The following EIF2AK4 variants were observed in gnomAD, a reference collection of about 807,000 sequenced individuals.
The protein encoded by EIF2AK4 is eukaryotic translation initiation factor 2 alpha kinase 4.
EIF2AK4 carries 139 observed loss-of-function variants against 211.1 expected under a neutral mutation model. The observed-to-expected ratio is 0.66, with a 90% CI of 0.57 to 0.76. The LOEUF is 0.76. Among genes scored for constraint, EIF2AK4 ranks in the 30% least tolerant of loss-of-function variants. The probability of loss-of-function intolerance (pLI) is 0.00; values close to 1 mark genes in which losing one functional copy is unlikely to be tolerated. For synonymous variants in EIF2AK4, 710 were observed against 751.3 expected, an observed-to-expected ratio of 0.94 and a Z score of 0.90; for missense variants, 1,664 against 2,043.8, an observed-to-expected ratio of 0.81 and a Z score of 3.58.
At chr15:39,945,007 G>T (rs2034207712) in intron 3 of EIF2AK4, among the ~76,000 whole-genome samples, 1 of 151,732 alleles carries the variant, frequency 6.6e-6, no homozygotes, top group South Asian at 2.1e-4. Context: ...AAAAAACTAG[G>T]CCTTGGAAAT....
intron 32 of EIF2AK4, among the ~76,000 whole-genome samples, chr15:40,024,535 G>A (rs942462668): frequency 7.3e-5 from 11 of 150,716 alleles, no homozygotes; most frequent in Non-Finnish European, 1.5e-4. Flanking sequence ...GAGTAGCTGG[G>A]TTTATAGGCA....
intron 38 of EIF2AK4, 48 bp downstream of exon 38, chr15:40,034,492 G>C (rs371780168): frequency 1.5e-5 from 22 of 1,438,864 alleles, no homozygotes; most frequent in Non-Finnish European, 2.1e-5. Flanking sequence ...TAAAATTCAG[G>C]GCGGGGGGTT....
At chr15:39,946,809 CCT>C (rs1172521088) in intron 3 of EIF2AK4, 1 of 597,356 alleles carries the variant, frequency 1.7e-6, no homozygotes, top group Non-Finnish European at 3.0e-6. Flanking sequence ...AAGACAAAAC[CCT>C]CTGTCTGCAA....
intron 22 of EIF2AK4, 127 bp downstream of exon 22, chr15:40,002,915 A>T (rs1310558463): frequency 2.6e-6 from 3 of 1,132,290 alleles, no homozygotes; most frequent in African/African-American, 1.6e-5. Flanking sequence ...TTGACATCAT[A>T]TGGAATTTAA....
At chr15:40,003,037 C>T (rs909506173) in intron 22 of EIF2AK4, among the ~76,000 whole-genome samples, 156 bp from the exon 23 acceptor site, 1 of 152,162 alleles carries the variant, frequency 6.6e-6, no homozygotes, top group African/African-American at 2.4e-5. Context: ...TCTAGATGAG[C>T]TCTCTATTTA....
intron 13 of EIF2AK4, among the ~76,000 whole-genome samples, chr15:39,980,537 A>C (rs1157089755): frequency 2.0e-5 from 3 of 152,240 alleles, no homozygotes; most frequent in African/African-American, 2.4e-5. Flanking sequence ...TGTTGCTAAC[A>C]CAATAATAGG....
At chr15:39,967,206 A>C in intron 8 of EIF2AK4, 138 bp from the exon 9 acceptor site, 1 of 953,130 alleles carries the variant, frequency 1.0e-6, no homozygotes, top group Non-Finnish European at 1.5e-6. Flanking sequence ...TATATTTTCT[A>C]TCAAATACTT....
chr15:39,941,525 T>C (rs748041813), intron 2 of EIF2AK4, among the ~76,000 whole-genome samples: 1 of 151,648 alleles, frequency 6.6e-6, no homozygotes, highest in Non-Finnish European at 1.5e-5. Context: ...GAATTCAAAG[T>C]GTTTATTCTT....
intron 36 of EIF2AK4, 60 bp downstream of exon 36, chr15:40,032,297 C>G: frequency 1.3e-6 from 2 of 1,499,910 alleles, no homozygotes; most frequent in South Asian, 2.3e-5. Flanking sequence ...AAAGTAGTTG[C>G]CTCAGGGTTC....
intron 2 of EIF2AK4, among the ~76,000 whole-genome samples, chr15:39,940,607 C>T (rs989567561): frequency 2.4e-4 from 36 of 151,632 alleles, no homozygotes; most frequent in African/African-American, 7.8e-4. Context: ...TATTAATTAA[C>T]GAAACGTTAA....
chr15:40,005,578 AT>A (rs543293981), intron 23 of EIF2AK4, among the ~76,000 whole-genome samples: 57 of 145,464 alleles, frequency 3.9e-4, no homozygotes, highest in Middle Eastern at 3.5e-3. Flanking sequence ...TTTTTGTTTT[AT>A]TTTTTTTTTT....
chr15:39,997,897 C>T (rs181545904), intron 19 of EIF2AK4, among the ~76,000 whole-genome samples: 171 of 152,218 alleles, frequency 1.1e-3, no homozygotes, highest in African/African-American at 3.9e-3. Context: ...TGGAGAGCCA[C>T]CTTCTTTCTT....
chr15:40,025,641 TG>T lies in EIF2AK4; in HGVS notation c.4390-334del, dbSNP rs2035456744. Reference sequence around the variant, plus strand: ...ACATGAAATGAGAGCCCATTCATCTTGGCCTTAAAAAAAAAAAATTCTATCA... The same window carrying T: ...ACATGAAATGAGAGCCCATTCATCTTGCCTTAAAAAAAAAAAATTCTATCA... On this transcript the variant is annotated intron_variant, in intron 32 of 38. Transcript: ENST00000263791. Among the ~76,000 whole-genome samples, 5 of 152,132 alleles carry T rather than the reference TG, an allele frequency of 3.3e-5. No homozygotes were observed. The East Asian group carries it at 9.8e-4, about 30-fold the overall frequency.
intron 32 of EIF2AK4, among the ~76,000 whole-genome samples, chr15:40,024,324 G>A (rs944951505): frequency 6.6e-6 from 1 of 150,506 alleles, no homozygotes; most frequent in Non-Finnish European, 1.5e-5. Flanking sequence ...ATACAGGCGT[G>A]TGCCACTGCA....
chr15:39,976,769 C>A lies in EIF2AK4; in HGVS notation c.2174C>A (p.Ala725Asp). ...GERSASARFPATGPGSSDDED... is the reference protein window; with the variant it reads ...GERSASARFPDTGPGSSDDED... ...CGCTCGGCCAGTGCCCGTTTCCCCGCCACCGGCCCGGGCTCCAGCGATGAC... is the reference window on the plus strand; with the variant it reads ...CGCTCGGCCAGTGCCCGTTTCCCCGACACCGGCCCGGGCTCCAGCGATGAC... Residue 725 changes from alanine (A) to aspartate (D), a missense_variant, in exon 12 of 39, where the codon GCC becomes GAC. Around this residue, in one of 7 missense-constraint regions of EIF2AK4, gnomAD observed 206 missense variants for 201.9 expected, o/e 1.02. Coordinates refer to ENST00000263791, the MANE Select transcript of EIF2AK4 (RefSeq NM_001013703.4). 6.3e-7 allele frequency: 1 copy of A among 1,594,614 alleles called. No individual in the cohort carries two copies. The highest frequency in any genetic ancestry group is 8.5e-7 in the Non-Finnish European group (1 of 1,173,530).
chr15:40,001,354 A>T, intron 21 of EIF2AK4, 130 bp downstream of exon 21: 1 of 896,688 alleles, frequency 1.1e-6, no homozygotes. Flanking sequence ...CCCTAAAAGT[A>T]CATGCAAAAT....
Position 39,998,804 on chromosome 15 carries a change from A to G in EIF2AK4, c.2922+20A>G. 1 of 1,596,232 alleles carries G rather than the reference A, an allele frequency of 6.3e-7. No homozygotes were observed. The highest frequency in any genetic ancestry group is 8.6e-7 in the Non-Finnish European group (1 of 1,166,142). On this transcript the variant is annotated intron_variant, in intron 20 of 38. Coordinates refer to ENST00000263791, the MANE Select transcript of EIF2AK4 (RefSeq NM_001013703.4). ...AAGCAGGTAATTTTCTGATGCGTCA[A>G]TTACTATGTCTTCAGTCTTGCATTT...
chr15:40,012,133 C>T (rs1595428998), intron 27 of EIF2AK4, among the ~76,000 whole-genome samples: 2 of 152,182 alleles, frequency 1.3e-5, no homozygotes, highest in South Asian at 4.1e-4. Context: ...GTACACAGGG[C>T]AGGAAGAGTC....
At chr15:40,019,047 G>A in intron 29 of EIF2AK4, 46 bp from the exon 30 acceptor site, 1 of 1,411,448 alleles carries the variant, frequency 7.1e-7, no homozygotes, top group East Asian at 2.4e-5. Context: ...CGTAATCACA[G>A]TTTCTTTCCT....
Sources: allele counts gnomAD v4.1 joint callset (sites outside exome capture counted in the v4.1 genomes callset), GRCh38; gene constraint gnomAD v4.1.1; regional missense constraint gnomAD v4.1.1; transcripts MANE v1.5; gene names NCBI Gene and HGNC (gene_info 2026-07-23, HGNC 2026-07-21).